The following CCSER1 variants were observed in gnomAD, a reference collection of about 807,000 sequenced individuals.
CCSER1 encodes the protein coiled-coil serine rich protein 1, also known as serine-rich coiled-coil domain-containing protein 1.
CCSER1 carries 41 observed loss-of-function variants against 82.0 expected under a neutral mutation model. That is an observed-to-expected ratio of 0.50 (90% CI 0.39 to 0.65). CCSER1 has a LOEUF of 0.65. CCSER1 is among the 30% of genes least tolerant of loss of function. The probability of loss-of-function intolerance (pLI) is 0.00; values close to 1 mark genes in which losing one functional copy is unlikely to be tolerated. For synonymous variants in CCSER1, 414 were observed against 383.9 expected, an observed-to-expected ratio of 1.08 and a Z score of -0.92; for missense variants, 1,119 against 1,064.2, an observed-to-expected ratio of 1.05 and a Z score of -0.72.
intron 1 of CCSER1, among the ~76,000 whole-genome samples, chr4:90,149,626 C>A (rs190409597): frequency 2.4e-4 from 36 of 152,220 alleles, no homozygotes; most frequent in Middle Eastern, 3.4e-3. Flanking sequence ...TTACGAATAT[C>A]TTTGGCCTCT....
intron 5 of CCSER1, among the ~76,000 whole-genome samples, chr4:90,486,502 T>G (rs566519439): frequency 1.3e-5 from 2 of 152,354 alleles, no homozygotes; most frequent in South Asian, 4.1e-4. Context: ...TCAGCTTTCT[T>G]GAAGTAAATG....
intron 3 of CCSER1, among the ~76,000 whole-genome samples, chr4:90,313,966 T>A (rs1735735707): frequency 6.6e-6 from 1 of 152,236 alleles, no homozygotes; most frequent in African/African-American, 2.4e-5. Flanking sequence ...TTATGATATC[T>A]CTATTGTTTT....
intron 3 of CCSER1, among the ~76,000 whole-genome samples, chr4:90,373,258 T>C (rs80227120): frequency 0.015 from 2,225 of 152,242 alleles, 73 homozygotes; most frequent in African/African-American, 0.05. Flanking sequence ...CTAAGTGATA[T>C]GATAGGGTTA....
intron 6 of CCSER1, among the ~76,000 whole-genome samples, chr4:90,639,461 G>A (rs552245444): frequency 1.6e-4 from 24 of 152,164 alleles, no homozygotes; most frequent in Non-Finnish European, 2.8e-4. Flanking sequence ...ACTACAACAT[G>A]TCAATTGAAT....
chr4:91,312,800 G>A (rs191758988), intron 10 of CCSER1, among the ~76,000 whole-genome samples: 41 of 151,982 alleles, frequency 2.7e-4, no homozygotes, highest in African/African-American at 9.9e-4. Flanking sequence ...TGCAATCTAT[G>A]CATGTAAAAA....
At chr4:91,309,956 T>C (rs975693402) in intron 10 of CCSER1, among the ~76,000 whole-genome samples, 1 of 151,976 alleles carries the variant, frequency 6.6e-6, no homozygotes, top group African/African-American at 2.4e-5. Context: ...AGGGCCTTCC[T>C]GCCTCTGAAG....
chr4:90,911,213 AC>A (rs1209406867), intron 8 of CCSER1: 1 of 433,910 alleles, frequency 2.3e-6, no homozygotes, highest in South Asian at 1.7e-5. Flanking sequence ...ATTTTCTACA[AC>A]AAAAAAATTA....
At chr4:90,303,185 C>T (rs1220813865) in intron 1 of CCSER1, among the ~76,000 whole-genome samples, 1 of 152,136 alleles carries the variant, frequency 6.6e-6, no homozygotes, top group Non-Finnish European at 1.5e-5. Context: ...TATCACTGAC[C>T]TAAATAGATT....
chr4:90,822,631 G>A (rs1338094691), intron 8 of CCSER1, among the ~76,000 whole-genome samples: 1 of 149,746 alleles, frequency 6.7e-6, no homozygotes, highest in African/African-American at 2.5e-5. Flanking sequence ...CCGAGGCTGA[G>A]ACAGGAGAAT....
At chr4:90,555,116 T>A (rs1777966404) in intron 5 of CCSER1, among the ~76,000 whole-genome samples, 1 of 151,938 alleles carries the variant, frequency 6.6e-6, no homozygotes, top group African/African-American at 2.4e-5. Flanking sequence ...TAAAATTCAT[T>A]TTTTTTTCAT....
At chr4:90,752,178 C>A (rs1748767631) in intron 7 of CCSER1, among the ~76,000 whole-genome samples, 1 of 152,152 alleles carries the variant, frequency 6.6e-6, no homozygotes, top group Admixed American at 6.6e-5. Context: ...TTTTCAACCT[C>A]ATTTCCTATG....
At chr4:90,304,495 G>T (rs550017747) in intron 1 of CCSER1, among the ~76,000 whole-genome samples, 1 of 152,324 alleles carries the variant, frequency 6.6e-6, no homozygotes, top group African/African-American at 2.4e-5. Flanking sequence ...CATGTCCTTT[G>T]TAGGGACACG....
At chr4:91,091,147 TTATTTC>T (rs1723908761) in intron 10 of CCSER1, among the ~76,000 whole-genome samples, 1 of 152,246 alleles carries the variant, frequency 6.6e-6, no homozygotes, top group South Asian at 2.1e-4. Context: ...TGCTCCTAGC[TTATTTC>T]TATTAATGAC....
intron 10 of CCSER1, among the ~76,000 whole-genome samples, chr4:91,164,741 A>T (rs922098820): frequency 2.0e-5 from 3 of 152,074 alleles, no homozygotes; most frequent in Non-Finnish European, 2.9e-5. Flanking sequence ...AAGGTTGTGC[A>T]TGCATCATGT....
At chr4:91,300,699 C>G (rs1016033398) in intron 10 of CCSER1, among the ~76,000 whole-genome samples, 2 of 150,602 alleles carry the variant, frequency 1.3e-5, no homozygotes, top group African/African-American at 4.9e-5. Context: ...CTGCTGGCAA[C>G]TGAAAAAAAA....
chr4:90,659,193 A>G (rs1238198096), intron 6 of CCSER1, among the ~76,000 whole-genome samples: 1 of 151,762 alleles, frequency 6.6e-6, no homozygotes, highest in African/African-American at 2.4e-5. Context: ...ATTCCAAGGT[A>G]AAAATTTCTG....
At chr4:91,126,611 A>T (rs959094833) in intron 10 of CCSER1, among the ~76,000 whole-genome samples, 2 of 152,134 alleles carry the variant, frequency 1.3e-5, no homozygotes, top group Middle Eastern at 3.4e-3. Flanking sequence ...TTGTTACAAG[A>T]TAGTAATAGT....
chr4:91,345,213 G>A (rs532058218), intron 10 of CCSER1, among the ~76,000 whole-genome samples: 3 of 152,088 alleles, frequency 2.0e-5, no homozygotes, highest in Non-Finnish European at 2.9e-5. Flanking sequence ...CCAATATGAC[G>A]AAACCCTGTC....
intron 10 of CCSER1, among the ~76,000 whole-genome samples, chr4:91,443,096 CA>C (rs1399943081): frequency 6.6e-6 from 1 of 151,930 alleles, no homozygotes; most frequent in Non-Finnish European, 1.5e-5. Context: ...CTAGAAATAC[CA>C]TTTGACCCAG....
Sources: gnomAD v4.1 joint callset for allele counts (sites outside exome capture counted in the v4.1 genomes callset) on GRCh38, gnomAD v4.1.1 for gene constraint, MANE v1.5 for transcripts, NCBI Gene and HGNC (gene_info 2026-07-23, HGNC 2026-07-21) for gene names.